Variants in TMCC3 observed in about 807,000 individuals in gnomAD.
TMCC3 encodes transmembrane and coiled-coil domain protein 3.
A neutral mutation model predicts 40.2 loss-of-function variants in TMCC3; 28 were observed. That is an observed-to-expected ratio of 0.70 (90% CI 0.52 to 0.95). The LOEUF (loss-of-function observed/expected upper bound fraction) is 0.95. Ranked by LOEUF, TMCC3 falls within the 40% of genes least tolerant of loss-of-function variation. TMCC3 has a pLI of 0.00. For missense variants in TMCC3, 554 were observed against 615.2 expected, an observed-to-expected ratio of 0.90 and a Z score of 1.05; for synonymous variants, 255 against 248.5, an observed-to-expected ratio of 1.03 and a Z score of -0.25.
intron 1 of TMCC3, among the ~76,000 whole-genome samples, chr12:94,621,222 T>A (rs1811823694): frequency 6.6e-6 from 1 of 152,224 alleles, no homozygotes; most frequent in African/African-American, 2.4e-5. Context: ...TAAGTAACTT[T>A]CTCAAACACT....
chr12:94,609,912 C>T (rs1484497800), intron 1 of TMCC3: 1 of 152,162 alleles, frequency 6.6e-6, no homozygotes, highest in African/African-American at 2.4e-5. Context: ...GGAAGGAAAA[C>T]ATTTTCCAGA....
chr12:94,591,107 C>A, intron 1 of TMCC3: 1 of 472,084 alleles, frequency 2.1e-6, no homozygotes, highest in Non-Finnish European at 4.2e-6. Flanking sequence ...GCTGGTTGCC[C>A]CTCCATTGAC....
At chr12:94,573,888 TG>T (rs2068547905) in intron 3 of TMCC3, among the ~76,000 whole-genome samples, 1 of 152,304 alleles carries the variant, frequency 6.6e-6, no homozygotes, top group African/African-American at 2.4e-5. Context: ...GCCACATCCC[TG>T]GGGAAGCCTT....
intron 2 of TMCC3, among the ~76,000 whole-genome samples, chr12:94,578,887 G>A (rs2068583836): frequency 6.6e-6 from 1 of 152,172 alleles, no homozygotes; most frequent in Non-Finnish European, 1.5e-5. Flanking sequence ...AGGAGGGCCA[G>A]GACCTCTGGT....
intron 1 of TMCC3, among the ~76,000 whole-genome samples, chr12:94,645,614 AT>A (rs533138145): frequency 2.2e-4 from 33 of 152,042 alleles, no homozygotes; most frequent in African/African-American, 8.0e-4. Context: ...ATTTTTTTGT[AT>A]TTTTAGTAGA....
At position 94,596,565 on chromosome 12, in the gene TMCC3, C is replaced by T. The variant is rs139629716; in HGVS notation, c.79-14027G>A. Among the ~76,000 whole-genome samples the T allele has an allele frequency of 3.4e-3, 518 of 152,288 alleles. 3 individuals are homozygous for T. The highest frequency in any genetic ancestry group is 0.012 in the African/African-American group (494 of 41,564). On this transcript the variant is annotated intron_variant, in intron 1 of 3. Transcript: ENST00000261226. Reference sequence around the variant, plus strand: ...GTGCTTCTCCCCATTTGCACTGACTCCTCATACAGTGCTTATTCTTCCAAG... The same window carrying T: ...GTGCTTCTCCCCATTTGCACTGACTTCTCATACAGTGCTTATTCTTCCAAG...
intron 3 of TMCC3, 105 bp downstream of exon 3, chr12:94,578,289 T>C (rs958494327): frequency 9.6e-6 from 13 of 1,352,676 alleles, no homozygotes; most frequent in Non-Finnish European, 1.3e-5. Context: ...TTTTGTGCCA[T>C]GTGCCAGAAA....
chr12:94,572,714 C>A (rs971866329), intron 3 of TMCC3, among the ~76,000 whole-genome samples: 5 of 152,206 alleles, frequency 3.3e-5, no homozygotes, highest in Non-Finnish European at 5.9e-5. Flanking sequence ...TGTGACTACT[C>A]CACCTTTCAG....
At chr12:94,611,175 TA>T (rs1450003577) in intron 1 of TMCC3, among the ~76,000 whole-genome samples, 1 of 152,182 alleles carries the variant, frequency 6.6e-6, no homozygotes, top group Admixed American at 6.5e-5. Context: ...TTTATGTAAT[TA>T]CTTTTAGAAA....
intron 1 of TMCC3, among the ~76,000 whole-genome samples, chr12:94,625,049 G>C (rs1021818673): frequency 9.3e-5 from 14 of 151,184 alleles, no homozygotes; most frequent in Non-Finnish European, 1.5e-4. Flanking sequence ...GGCTGAGGCA[G>C]GAGAATCGCT....
intron 1 of TMCC3, chr12:94,609,849 T>C (rs1318164174): frequency 2.0e-5 from 3 of 152,188 alleles, no homozygotes; most frequent in Non-Finnish European, 4.4e-5. Flanking sequence ...AAATCACGTG[T>C]AGACAGTTTC....
intron 1 of TMCC3, among the ~76,000 whole-genome samples, chr12:94,599,560 C>A (rs887433387): frequency 3.5e-4 from 36 of 102,324 alleles, no homozygotes; most frequent in South Asian, 2.7e-3. Context: ...AAAGATACCC[C>A]CCCCCCCGCC....
In TMCC3 at chr12:94,594,381, C is replaced by T. The variant is rs577602185; in HGVS notation, c.79-11843G>A. ...GTGTTGGGATTACAGGCATGAGCCACCGTGTCTGGCAGAACCAGGCCTAAT... is the reference window on the plus strand; with the variant it reads ...GTGTTGGGATTACAGGCATGAGCCATCGTGTCTGGCAGAACCAGGCCTAAT... On this transcript the variant is annotated intron_variant, in intron 1 of 3. Transcript: ENST00000261226. Among the ~76,000 whole-genome samples, 29 of 152,176 alleles carry T rather than the reference C, an allele frequency of 1.9e-4. No individual in the cohort carries two copies. The South Asian group carries it at 6.0e-3, about 32-fold the overall frequency.
In TMCC3 at chr12:94,650,468, G is replaced by T; in HGVS notation, c.-38C>A. The T allele has an allele frequency of 8.0e-7, 1 of 1,244,750 alleles. No homozygotes were observed. The highest frequency in any genetic ancestry group is 1.0e-6 in the Non-Finnish European group (1 of 990,410). The allele number at this position is 1,244,750 out of a possible 1,614,324, so 77.1% of individuals were successfully genotyped here. On this transcript the variant is annotated 5_prime_UTR_variant, in exon 1 of 4. Transcript: ENST00000261226. Reference sequence around the variant, plus strand: ...GCCGCGAACTTTCCCGTCTTCTGGGGCTGCCGCGCCGCGAGCCACCGGCTG... The same window carrying T: ...GCCGCGAACTTTCCCGTCTTCTGGGTCTGCCGCGCCGCGAGCCACCGGCTG...
At chr12:94,616,815 C>T (rs60320610) in intron 1 of TMCC3, among the ~76,000 whole-genome samples, 8,443 of 152,258 alleles carry the variant, frequency 0.055, 489 homozygotes, top group African/African-American at 0.14. Context: ...GGGTCACACC[C>T]GGAGGGTCCC....
chr12:94,573,022 C>T (rs555594398), intron 3 of TMCC3, among the ~76,000 whole-genome samples: 1 of 152,284 alleles, frequency 6.6e-6, no homozygotes, highest in South Asian at 2.1e-4. Flanking sequence ...ATCTCCATGC[C>T]TCTTTGACAT....
chr12:94,620,261 G>C (rs2068868559), intron 1 of TMCC3, among the ~76,000 whole-genome samples: 1 of 151,632 alleles, frequency 6.6e-6, no homozygotes, highest in African/African-American at 2.4e-5. Context: ...AAGCCCTTTA[G>C]TACTGTGGAA....
At chr12:94,616,186 G>T (rs1157617827) in intron 1 of TMCC3, 21 of 768,476 alleles carry the variant, frequency 2.7e-5, no homozygotes, top group Non-Finnish European at 3.2e-5. Context: ...TGTACAAATG[G>T]GCTCTTTGTG....
chr12:94,642,311 G>A lies in TMCC3; in HGVS notation c.78+8042C>T, dbSNP rs147482007. Among the ~76,000 whole-genome samples, 651 of 152,274 alleles carry A rather than the reference G, an allele frequency of 4.3e-3. 2 individuals are homozygous for A. Among genetic ancestry groups the A allele is most frequent in the Non-Finnish European group, 6.6e-3 (452 of 68,022 alleles). Reference sequence around the variant, plus strand: ...CTGCTTCTGCAAATGGAATGGTCTGGAGTTAATAATGTCTAAATTCCCTTC... The same window carrying A: ...CTGCTTCTGCAAATGGAATGGTCTGAAGTTAATAATGTCTAAATTCCCTTC... On this transcript the variant is annotated intron_variant, in intron 1 of 3. Coordinates refer to ENST00000261226, the MANE Select transcript of TMCC3 (RefSeq NM_020698.4).
Sources: allele counts gnomAD v4.1 joint callset (sites outside exome capture counted in the v4.1 genomes callset), GRCh38; gene constraint gnomAD v4.1.1; transcripts MANE v1.5; gene names NCBI Gene and HGNC (gene_info 2026-07-23, HGNC 2026-07-21).